CTIF: variants seen among roughly 807,000 people sequenced by gnomAD.
The protein encoded by CTIF is CBP80/20-dependent translation initiation factor.
Under a neutral mutation model 66.0 loss-of-function variants are expected in CTIF, and 21 were observed. The ratio of observed to expected loss-of-function variants is 0.32; its 90% CI spans 0.23 to 0.46. CTIF has a LOEUF of 0.46. Among genes scored for constraint, CTIF ranks in the 20% least tolerant of loss-of-function variants. CTIF has a pLI of 1.00. For missense variants in CTIF, 739 were observed against 812.7 expected (o/e 0.91, Z 1.10); for synonymous variants, 345 against 326.4 (o/e 1.06, Z -0.62).
At chr18:48,632,897 T>C (rs973026809) in intron 2 of CTIF, among the ~76,000 whole-genome samples, 22 of 152,070 alleles carry the variant, frequency 1.4e-4, no homozygotes, top group Non-Finnish European at 2.8e-4. Flanking sequence ...GAAGTGACTT[T>C]TGGTTGGCAA....
chr18:48,729,750 G>C (rs1242019743), intron 7 of CTIF, among the ~76,000 whole-genome samples: 3 of 152,208 alleles, frequency 2.0e-5, no homozygotes, highest in Non-Finnish European at 4.4e-5. Flanking sequence ...TCTGGGGAGG[G>C]TGGTCCTGCC....
At chr18:48,786,290 G>C (rs1911700137) in intron 9 of CTIF, among the ~76,000 whole-genome samples, 1 of 152,180 alleles carries the variant, frequency 6.6e-6, no homozygotes, top group Non-Finnish European at 1.5e-5. Context: ...TGGGGATCCA[G>C]GCTGTCTGGG....
At chr18:48,662,460 A>C (rs2091362441) in intron 3 of CTIF, 2 of 152,082 alleles carry the variant, frequency 1.3e-5, no homozygotes, top group African/African-American at 4.8e-5. Flanking sequence ...AGAGTCAGAC[A>C]GCCCAGGTGG....
chr18:48,851,311 T>A (rs2069195281), intron 10 of CTIF, among the ~76,000 whole-genome samples: 1 of 152,136 alleles, frequency 6.6e-6, no homozygotes, highest in Non-Finnish European at 1.5e-5. Context: ...GTGGAACCGC[T>A]CTGCAGGCCC....
chr18:48,700,035 G>C (rs1256059152), intron 6 of CTIF, among the ~76,000 whole-genome samples: 1 of 152,222 alleles, frequency 6.6e-6, no homozygotes, highest in East Asian at 1.9e-4. Flanking sequence ...TATCCATGCT[G>C]ATATGGCTTG....
At chr18:48,708,611 T>C (rs1276319324) in intron 6 of CTIF, among the ~76,000 whole-genome samples, 3 of 152,222 alleles carry the variant, frequency 2.0e-5, no homozygotes, top group African/African-American at 4.8e-5. Context: ...CAGCCCTCTA[T>C]AGCCCTGGCC....
At chr18:48,734,423 G>A (rs8099548) in intron 7 of CTIF, among the ~76,000 whole-genome samples, 17 of 152,118 alleles carry the variant, frequency 1.1e-4, no homozygotes, top group Admixed American at 7.9e-4. Flanking sequence ...AAAATTAGCC[G>A]GGTTTGGTGG....
intron 1 of CTIF, among the ~76,000 whole-genome samples, chr18:48,590,484 C>T (rs1335484912): frequency 6.6e-6 from 1 of 152,240 alleles, no homozygotes; most frequent in African/African-American, 2.4e-5. Flanking sequence ...GTGACATAGT[C>T]CAGTGCACCC....
chr18:48,700,128 G>A (rs2092062771), intron 6 of CTIF, among the ~76,000 whole-genome samples: 1 of 152,230 alleles, frequency 6.6e-6, no homozygotes, highest in Non-Finnish European at 1.5e-5. Context: ...TAATTGAAGG[G>A]AGATGGTTTC....
At chr18:48,759,853 C>T (rs1908785468) in intron 8 of CTIF, among the ~76,000 whole-genome samples, 1 of 152,178 alleles carries the variant, frequency 6.6e-6, no homozygotes, top group Non-Finnish European at 1.5e-5. Context: ...GTTTCAAGGA[C>T]TCCACTCAGG....
chr18:48,544,032 G>C (rs1292456726), intron 1 of CTIF, among the ~76,000 whole-genome samples: 1 of 152,158 alleles, frequency 6.6e-6, no homozygotes, highest in East Asian at 1.9e-4. Context: ...CCTGAGGCAG[G>C]GTCCTCAGGA....
At chr18:48,674,106 T>C (rs1363503545) in intron 6 of CTIF, among the ~76,000 whole-genome samples, 1 of 152,262 alleles carries the variant, frequency 6.6e-6, no homozygotes, top group Non-Finnish European at 1.5e-5. Context: ...CTTGCTCACT[T>C]AACTCATCTT....
rs543269201 is a variant in CTIF at position 48,749,862 on chromosome 18, G to A, written c.585-8057G>A. 7.9e-5 allele frequency among the ~76,000 whole-genome samples: 12 copies of A among 152,338 alleles called. No homozygotes were observed. In the South Asian group the frequency reaches 1.9e-3, roughly 24 times the overall value. On this transcript the variant is annotated intron_variant, in intron 7 of 11. Coordinates refer to ENST00000256413, the MANE Select transcript of CTIF (RefSeq NM_014772.3). The stretch of plus-strand genomic sequence containing the variant: ...GGATGCCCAGAGCCACCAGCAGGCT[G>A]TAGTGAGGGTCCATGGGCCGGATCT...
intron 6 of CTIF, among the ~76,000 whole-genome samples, chr18:48,678,308 A>G (rs1201757251): frequency 6.6e-6 from 1 of 152,140 alleles, no homozygotes; most frequent in Non-Finnish European, 1.5e-5. Context: ...TTTTTTAATC[A>G]GACAGGTTTG....
intron 9 of CTIF, among the ~76,000 whole-genome samples, chr18:48,802,510 A>G (rs1308836630): frequency 6.6e-6 from 1 of 152,240 alleles, no homozygotes; most frequent in Non-Finnish European, 1.5e-5. Flanking sequence ...CACCAGGCCC[A>G]GGATCAGAGA....
At chr18:48,785,251 G>A (rs563805090) in intron 9 of CTIF, among the ~76,000 whole-genome samples, 14 of 152,154 alleles carry the variant, frequency 9.2e-5, no homozygotes, top group Admixed American at 7.2e-4. Flanking sequence ...GTCTATTGAC[G>A]TTTCTGACTC....
chr18:48,718,179 T>A (rs925454554), intron 7 of CTIF, among the ~76,000 whole-genome samples: 10 of 152,254 alleles, frequency 6.6e-5, no homozygotes, highest in African/African-American at 2.4e-4. Context: ...ACCTTTTTTC[T>A]TCCAAACCAT....
intron 1 of CTIF, among the ~76,000 whole-genome samples, chr18:48,583,495 C>T (rs954947093): frequency 1.4e-4 from 22 of 152,066 alleles, no homozygotes; most frequent in African/African-American, 5.3e-4. Context: ...TTTTAGAGGG[C>T]GCCGATCTCG....
intron 10 of CTIF, among the ~76,000 whole-genome samples, chr18:48,827,835 C>A (rs528183926): frequency 6.6e-6 from 1 of 152,272 alleles, no homozygotes; most frequent in Admixed American, 6.5e-5. Flanking sequence ...CTTTCGTTCC[C>A]CTCTTCCGCT....
Sources: allele counts gnomAD v4.1 joint callset (sites outside exome capture counted in the v4.1 genomes callset), GRCh38; gene constraint gnomAD v4.1.1; transcripts MANE v1.5; gene names NCBI Gene and HGNC (gene_info 2026-07-23, HGNC 2026-07-21).